Variants in SRGAP3 observed in about 807,000 individuals in gnomAD.
SRGAP3 encodes SLIT-ROBO Rho GTPase-activating protein 3.
SRGAP3 carries 39 observed loss-of-function variants against 121.1 expected under a neutral mutation model. The ratio of observed to expected loss-of-function variants is 0.32; its 90% CI spans 0.25 to 0.42. The LOEUF (loss-of-function observed/expected upper bound fraction) is 0.42. Ranked by LOEUF, SRGAP3 falls within the 10% of genes least tolerant of loss-of-function variation. SRGAP3 has a pLI of 1.00. For synonymous variants in SRGAP3, 601 were observed against 570.0 expected, an observed-to-expected ratio of 1.05 and a Z score of -0.77; for missense variants, 1,213 against 1,470.6, an observed-to-expected ratio of 0.82 and a Z score of 2.86.
At chr3:9,050,027 A>G (rs2125151719) in intron 9 of SRGAP3, among the ~76,000 whole-genome samples, 1 of 152,206 alleles carries the variant, frequency 6.6e-6, no homozygotes, top group Admixed American at 6.5e-5. Flanking sequence ...TCTTGTAGAG[A>G]TGGGGTTTTG....
At chr3:9,164,172 T>C (rs1279883397) in intron 1 of SRGAP3, among the ~76,000 whole-genome samples, 1 of 151,162 alleles carries the variant, frequency 6.6e-6, no homozygotes, top group Non-Finnish European at 1.5e-5. Context: ...TAATTCTGTA[T>C]TTTCAGTATA....
At chr3:9,316,309 A>G (rs1449349818) in intron 3 of SRGAP3, among the ~76,000 whole-genome samples, 3 of 150,266 alleles carry the variant, frequency 2.0e-5, no homozygotes, top group Non-Finnish European at 4.4e-5. Flanking sequence ...TTGGCCTCCC[A>G]AAGTGCTGGG....
chr3:9,006,136 C>A (rs1943057552), intron 18 of SRGAP3, among the ~76,000 whole-genome samples: 1 of 151,970 alleles, frequency 6.6e-6, no homozygotes, highest in African/African-American at 2.4e-5. Context: ...CGTGGTGTCT[C>A]ACACCTGTAA....
intron 3 of SRGAP3, among the ~76,000 whole-genome samples, chr3:9,323,036 G>A (rs887731512): frequency 4.6e-5 from 7 of 151,878 alleles, no homozygotes; most frequent in South Asian, 2.1e-4. Flanking sequence ...TGTCCCAGAG[G>A]CATTCCCTGA....
chr3:9,163,261 C>T (rs911422744), intron 1 of SRGAP3, among the ~76,000 whole-genome samples: 3 of 152,216 alleles, frequency 2.0e-5, no homozygotes, highest in East Asian at 1.9e-4. Context: ...CGCCCACTCT[C>T]GTGGGAGAGA....
rs201777874 is a variant in SRGAP3, at chr3:8,990,664, G to A, written c.2734C>T (p.Arg912Trp). 1,074 of 1,613,640 alleles carry A rather than the reference G, an allele frequency of 6.7e-4. No homozygotes were observed. Among genetic ancestry groups the A allele is most frequent in the Non-Finnish European group, 8.3e-4 (974 of 1,179,952 alleles). ...TRGRIESPEK[R>W]RMATFGSAGS... ...GCGCTCCCGAACGTCGCCATCCTCC[G>A]CTTCTCAGGGCTCTCGATCCTCCCC... Residue 912 changes from arginine to tryptophan, a missense_variant, in exon 21 of 22, where the codon CGG (arginine) becomes TGG (tryptophan). Arg to Trp is a moderately radical substitution (Grantham distance 101, BLOSUM62 -3). Coordinates refer to ENST00000383836, the MANE Select transcript of SRGAP3 (RefSeq NM_014850.4).
intron 1 of SRGAP3, among the ~76,000 whole-genome samples, chr3:9,225,031 T>C (rs1207928777): frequency 6.6e-6 from 1 of 152,188 alleles, no homozygotes; most frequent in Non-Finnish European, 1.5e-5. Flanking sequence ...CTAACAGTCC[T>C]TGAAGATTCC....
intron 8 of SRGAP3, among the ~76,000 whole-genome samples, chr3:9,054,714 A>G (rs1945735719): frequency 6.6e-6 from 1 of 152,200 alleles, no homozygotes; most frequent in Admixed American, 6.5e-5. Context: ...CAACAGTTTC[A>G]AGTATTATTT....
At chr3:9,247,120 C>A (rs1192116356) in intron 1 of SRGAP3, among the ~76,000 whole-genome samples, 2 of 152,200 alleles carry the variant, frequency 1.3e-5, no homozygotes, top group Non-Finnish European at 2.9e-5. Flanking sequence ...CCTTCTCTCT[C>A]AAGGCATTTT....
At chr3:9,294,940 G>C (rs1175755656) in intron 3 of SRGAP3, among the ~76,000 whole-genome samples, 1 of 152,100 alleles carries the variant, frequency 6.6e-6, no homozygotes, top group Non-Finnish European at 1.5e-5. Context: ...TGATGAATGG[G>C]ATGCTCCAAT....
intron 1 of SRGAP3, among the ~76,000 whole-genome samples, chr3:9,153,418 G>A (rs745987788): frequency 1.5e-4 from 23 of 152,074 alleles, no homozygotes; most frequent in African/African-American, 2.9e-4. Flanking sequence ...GAGGCATACC[G>A]TCTCAGAGTC....
Position 9,056,323 on chromosome 3 carries a change from G to T in SRGAP3, c.1035C>A (p.Val345=). The part of the protein sequence containing the change: ...QPHMGDEVCQ[V]SAQQPVQTEL... Reference sequence around the variant, plus strand: ...CTGTCTGGACGGGCTGCTGAGCGCTGACCTGGCAGACCTGCAGGAATAACA... The same window carrying T: ...CTGTCTGGACGGGCTGCTGAGCGCTTACCTGGCAGACCTGCAGGAATAACA... The change falls in exon 8 of 22, where the codon GTC becomes GTA. Residue 345 remains valine, a synonymous_variant. Coordinates refer to ENST00000383836, the MANE Select transcript of SRGAP3 (RefSeq NM_014850.4). 1 of 1,612,832 alleles carries T rather than the reference G, an allele frequency of 6.2e-7. No homozygotes were observed.
chr3:9,012,768 G>C (rs1017654101), intron 17 of SRGAP3, among the ~76,000 whole-genome samples: 2 of 152,156 alleles, frequency 1.3e-5, no homozygotes, highest in East Asian at 3.8e-4. Flanking sequence ...TCCTTACCAA[G>C]GTGATTACTT....
chr3:9,344,341 G>C (rs1955846306), intron 1 of SRGAP3, among the ~76,000 whole-genome samples: 1 of 152,216 alleles, frequency 6.6e-6, no homozygotes, highest in Non-Finnish European at 1.5e-5. Flanking sequence ...TGTAATTCCA[G>C]CTATTCAGGA....
At chr3:9,139,680 A>G (rs1036333691) in intron 1 of SRGAP3, among the ~76,000 whole-genome samples, 3 of 152,230 alleles carry the variant, frequency 2.0e-5, no homozygotes, top group African/African-American at 7.2e-5. Context: ...GTATGTGGCA[A>G]TTTGCTACAG....
At position 9,143,386 on chromosome 3, in the gene SRGAP3, A is replaced by G. The variant is rs368721754; in HGVS notation, c.68-18469T>C. On this transcript the variant is annotated intron_variant, in intron 1 of 21. Coordinates refer to ENST00000383836, the MANE Select transcript of SRGAP3 (RefSeq NM_014850.4). ...GCAAGAACACAACTTAACAGATTCT[A>G]ACTTCCACTGCACTGCCTGTTCCCT... Among the ~76,000 whole-genome samples, 35 of 152,270 alleles carry G rather than the reference A, an allele frequency of 2.3e-4. 1 individual carries two copies. In the East Asian group the frequency reaches 5.2e-3, roughly 23 times the overall value.
At chr3:9,047,333 C>T in intron 10 of SRGAP3, 58 bp downstream of exon 10, 1 of 1,567,512 alleles carries the variant, frequency 6.4e-7, no homozygotes, top group Non-Finnish European at 8.8e-7. Flanking sequence ...CAGGGGGCCA[C>T]AGTGAGAGCC....
chr3:9,072,580 C>A (rs1297963870), intron 4 of SRGAP3, among the ~76,000 whole-genome samples: 1 of 152,216 alleles, frequency 6.6e-6, no homozygotes, highest in Non-Finnish European at 1.5e-5. Context: ...AGCTGCCCTG[C>A]CCTAAGTCTG....
At chr3:8,990,388 TC>T in intron 21 of SRGAP3, 123 bp downstream of exon 21, 1 of 1,281,112 alleles carries the variant, frequency 7.8e-7, no homozygotes, top group Non-Finnish European at 1.1e-6. Context: ...CCACTCACTC[TC>T]CTGTTCTCTG....
Sources: gnomAD v4.1 joint callset for allele counts (sites outside exome capture counted in the v4.1 genomes callset) on GRCh38, gnomAD v4.1.1 for gene constraint, MANE v1.5 for transcripts, NCBI Gene and HGNC (gene_info 2026-07-23, HGNC 2026-07-21) for gene names.